Variants in PBX2 observed in about 807,000 individuals in gnomAD.
PBX2 encodes the protein pre-B-cell leukemia transcription factor 2.
In PBX2, 10 loss-of-function variants were observed where a neutral mutation model predicts 46.5. The observed-to-expected ratio is 0.21, with a 90% CI of 0.13 to 0.36. The LOEUF (loss-of-function observed/expected upper bound fraction) is 0.36. PBX2 is among the 10% of genes least tolerant of loss of function. PBX2 has a pLI of 1.00. For synonymous variants in PBX2, 160 were observed against 222.5 expected, an observed-to-expected ratio of 0.72 and a Z score of 2.50; for missense variants, 392 against 580.5, an observed-to-expected ratio of 0.68 and a Z score of 3.34.
Position 32,188,450 on chromosome 6 carries a change from C to A in PBX2, c.350G>T (p.Arg117Leu). 6.2e-7 allele frequency: 1 copy of A among 1,614,092 alleles called. No homozygotes were observed. Among genetic ancestry groups the A allele is most frequent in the Non-Finnish European group, 8.5e-7 (1 of 1,180,028 alleles). ...EEEPVDPQLM[R>L]LDNMLLAEGV... is the part of the protein sequence containing the mutation. ...CTCTGCCAGAAGCATGTTGTCCAAGCGCATCAGCTGTGGGTCCACCGGCTC... is the reference window on the plus strand; with the variant it reads ...CTCTGCCAGAAGCATGTTGTCCAAGAGCATCAGCTGTGGGTCCACCGGCTC... Residue 117 changes from arginine to leucine, a missense_variant, in exon 3 of 9, where the codon CGC (arginine) becomes CTC (leucine). Physicochemically the swap from Arg to Leu is moderately radical, Grantham distance 102. Transcript: ENST00000375050. This position sits in a 1 kb window ranked among gnomAD's most constrained non-coding sequence, Gnocchi z 6.5.
chr6:32,186,653 T>A lies in PBX2; in HGVS notation c.1151A>T (p.Tyr384Phe). ...SLRHSMGPGG[Y>F]GDNLGGGQMY... ...CTGGCCTCCCCCGAGGTTATCCCCA[T>A]AGCCCCCTGGCCCCATCGAGTGTCG... Residue 384 changes from tyrosine to phenylalanine, a missense_variant, in exon 8 of 9, where the codon TAT becomes TTT. Tyr to Phe is a conservative substitution (Grantham distance 22). This residue lies in a region of PBX2 where 116 missense variants were observed against 157.9 expected (regional missense o/e 0.73). Transcript: ENST00000375050. This position sits in a 1 kb window ranked among gnomAD's most constrained non-coding sequence, Gnocchi z 4.2. The A allele has an allele frequency of 1.2e-6, 2 of 1,613,210 alleles. No individual in the cohort carries two copies. The highest frequency in any genetic ancestry group is 1.7e-6 in the Non-Finnish European group (2 of 1,179,266).
Position 32,188,042 on chromosome 6 carries a change from T to A in PBX2, c.658A>T (p.Ser220Cys). Residue 220 changes from serine to cysteine, a missense_variant, in exon 4 of 9, where the codon AGC becomes TGC. Ser to Cys is a moderately radical substitution (Grantham distance 112). Coordinates refer to ENST00000375050, the MANE Select transcript of PBX2 (RefSeq NM_002586.5). This position sits in a 1 kb window ranked among gnomAD's most constrained non-coding sequence, Gnocchi z 6.5. ...TGCTTCAGCTGCATCTGGATGGCGC[T>A]GAACTTTCGATGGATGATGCTCACC... ...RMVSIIHRKF[S>C]AIQMQLKQST... 6.3e-7 allele frequency: 1 copy of A among 1,593,770 alleles called. No individual in the cohort carries two copies. Among genetic ancestry groups the A allele is most frequent in the Non-Finnish European group, 8.6e-7 (1 of 1,168,742 alleles).
At position 32,188,810 on chromosome 6, in the gene PBX2, G is replaced by A. The variant is rs752487676; in HGVS notation, c.222-14C>T. On this transcript the variant is annotated splice_polypyrimidine_tract_variant and intron_variant, in intron 1 of 8. Transcript: ENST00000375050. This position sits in a 1 kb window ranked among gnomAD's most constrained non-coding sequence, Gnocchi z 6.5. The stretch of plus-strand genomic sequence containing the variant: ...AGGGCGTGTTTCCTTGGGAGGAGTG[G>A]GAGTGGGGAAAGAGAAAAGTTGAGG... 1.2e-6 allele frequency: 2 copies of A among 1,612,128 alleles called. No homozygotes were observed. The highest frequency in any genetic ancestry group is 1.1e-5 in the South Asian group (1 of 91,062).
Position 32,188,533 on chromosome 6 carries a change from C to A in PBX2, c.296-29G>T. On this transcript the variant is annotated intron_variant, in intron 2 of 8. Transcript: ENST00000375050. The surrounding 1 kb of genome is among the most constrained non-coding windows in gnomAD (Gnocchi z 6.5). Reference sequence around the variant, plus strand: ...GCATGCAGGCGAGTGGACTTAGGGACCCAGAGACCCCAATACCCAGTGCTC... The same window carrying A: ...GCATGCAGGCGAGTGGACTTAGGGAACCAGAGACCCCAATACCCAGTGCTC... 1 of 1,608,672 alleles carries A rather than the reference C, an allele frequency of 6.2e-7. No homozygotes were observed. Among genetic ancestry groups the A allele is most frequent in the Non-Finnish European group, 8.5e-7 (1 of 1,176,906 alleles).
chr6:32,187,457 G>C lies in PBX2; in HGVS notation c.871-62C>G. ...GCCTCTGAAGTCCTTCACTGAATAA[G>C]ATGTGAGTGACAGCATTTTTTTTTT... On this transcript the variant is annotated intron_variant, in intron 5 of 8. Transcript: ENST00000375050. This position sits in a 1 kb window ranked among gnomAD's most constrained non-coding sequence, Gnocchi z 7.7. 6.4e-7 allele frequency: 1 copy of C among 1,553,502 alleles called. No homozygotes were observed. Among genetic ancestry groups the C allele is most frequent in the African/African-American group, 1.4e-5 (1 of 72,834 alleles).
In PBX2 at chr6:32,186,752, T is replaced by C. The variant is rs989532278; in HGVS notation, c.1113+61A>G. The C allele has an allele frequency of 1.3e-6, 2 of 1,597,382 alleles. No homozygotes were observed. Among genetic ancestry groups the C allele is most frequent in the South Asian group, 1.1e-5 (1 of 90,776 alleles). Reference sequence around the variant, plus strand: ...AGCCTCAGAGGAAAGAGGTCTTGTATCCTAAAGTAGAGGAAATGGAGTTGG... The same window carrying C: ...AGCCTCAGAGGAAAGAGGTCTTGTACCCTAAAGTAGAGGAAATGGAGTTGG... On this transcript the variant is annotated intron_variant, in intron 7 of 8. Transcript: ENST00000375050. This position sits in a 1 kb window ranked among gnomAD's most constrained non-coding sequence, Gnocchi z 4.2.
rs1169576030 is a variant in PBX2 at position 32,187,393 on chromosome 6, G to A, written c.873C>T (p.Val291=). The A allele has an allele frequency of 6.2e-7, 1 of 1,612,868 alleles. No individual in the cohort carries two copies. The highest frequency in any genetic ancestry group is 1.1e-5 in the South Asian group (1 of 91,080). Residue 291 remains valine, a splice_region_variant and synonymous_variant, in exon 6 of 9, where the codon GTC becomes GTT. Coordinates refer to ENST00000375050, the MANE Select transcript of PBX2 (RefSeq NM_002586.5). The surrounding 1 kb of genome is among the most constrained non-coding windows in gnomAD (Gnocchi z 7.7). The part of the protein sequence containing the change: ...AKKCGITVSQ[V]SNWFGNKRIR... ...TCCTCTTGTTGCCAAACCAGTTGGA[G>A]ACCTGTGGGGCAGAAAGGAGGGTCA...
rs1787214492 is a variant in PBX2 at position 32,187,903 on chromosome 6, G to C, written c.734+63C>G. On this transcript the variant is annotated intron_variant, in intron 4 of 8. Coordinates refer to ENST00000375050, the MANE Select transcript of PBX2 (RefSeq NM_002586.5). The surrounding 1 kb of genome is among the most constrained non-coding windows in gnomAD (Gnocchi z 7.7). The stretch of plus-strand genomic sequence containing the variant: ...CATGTTGTGCAGCATGGCAGCTCAG[G>C]GTCTTGGAGAGGAATGGGAAGGAGC... The C allele has an allele frequency of 2.0e-6, 3 of 1,524,402 alleles. No individual in the cohort carries two copies. The highest frequency in any genetic ancestry group is 2.7e-6 in the Non-Finnish European group (3 of 1,130,584). The allele number at this position is 1,524,402 out of a possible 1,614,324, so 94.4% of individuals were successfully genotyped here. A position where few individuals can be genotyped will look rare whatever the true frequency, so the allele number is the denominator to read the frequency against.
chr6:32,187,143 C>A lies in PBX2; in HGVS notation c.1024+99G>T. ...TATCTCAGCTCGGTCCCTCTCACCC[C>A]AAAAGGCCCCCTCTCTGCTATGATC... On this transcript the variant is annotated intron_variant, in intron 6 of 8. Coordinates refer to ENST00000375050, the MANE Select transcript of PBX2 (RefSeq NM_002586.5). This position sits in a 1 kb window ranked among gnomAD's most constrained non-coding sequence, Gnocchi z 7.7. 1 of 1,476,384 alleles carries A rather than the reference C, an allele frequency of 6.8e-7. No individual in the cohort carries two copies. The highest frequency in any genetic ancestry group is 9.3e-7 in the Non-Finnish European group (1 of 1,075,994). 91.5% of individuals were successfully genotyped at this position (1,476,384 alleles called of 1,614,324 possible). A position where few individuals can be genotyped will look rare whatever the true frequency, so the allele number is the denominator to read the frequency against.
Position 32,187,276 on chromosome 6 carries a change from G to A in PBX2, c.990C>T (p.Ser330=). 1 of 1,613,064 alleles carries A rather than the reference G, an allele frequency of 6.2e-7. No homozygotes were observed. ...TAVSVTQGGH[S]RTSSPTPPSS... ...AAGGGGGTGTCGGGGAGCTGGTGCG[G>A]CTGTGGCCCCCCTGGGTGACTGACA... The change falls in exon 6 of 9, where the codon AGC becomes AGT. Residue 330 remains serine, a synonymous_variant. Transcript: ENST00000375050. The surrounding 1 kb of genome is among the most constrained non-coding windows in gnomAD (Gnocchi z 7.7).
rs1338739076 is a variant in PBX2 at position 32,184,746 on chromosome 6, G to A, written c.*1636C>T. On this transcript the variant is annotated 3_prime_UTR_variant, in exon 9 of 9. Coordinates refer to ENST00000375050, the MANE Select transcript of PBX2 (RefSeq NM_002586.5). ...TTCTCAACTAAACCCAGGGAAAAAA[G>A]AAATTTCTTTATTTAAAACTGCATT... 1.3e-5 allele frequency: 2 copies of A among 155,486 alleles called. No individual in the cohort carries two copies. The highest frequency in any genetic ancestry group is 2.8e-5 in the Non-Finnish European group (2 of 70,640). 9.6% of individuals were successfully genotyped at this position (155,486 alleles called of 1,614,324 possible).
chr6:32,185,528 TAAAAAAAA>T lies in PBX2; in HGVS notation c.*846_*853del. The T allele has an allele frequency of 7.2e-6, 1 of 139,108 alleles. No homozygotes were observed. Among genetic ancestry groups the T allele is most frequent in the East Asian group, 2.0e-4 (1 of 4,888 alleles). The allele number at this position is 139,108 out of a possible 1,614,324, so 8.6% of individuals were successfully genotyped here. ...ACCCCTAATATGGGAAAGTAAGAAA[TAAAAAAAA>T]AAAAAGACAAGAAATCAACATATTT... On this transcript the variant is annotated 3_prime_UTR_variant, in exon 9 of 9. Coordinates refer to ENST00000375050, the MANE Select transcript of PBX2 (RefSeq NM_002586.5).
chr6:32,188,546 A>G lies in PBX2; in HGVS notation c.296-42T>C, dbSNP rs1189264650. Reference sequence around the variant, plus strand: ...TGGACTTAGGGACCCAGAGACCCCAATACCCAGTGCTCAGTCCTCCTGGTG... The same window carrying G: ...TGGACTTAGGGACCCAGAGACCCCAGTACCCAGTGCTCAGTCCTCCTGGTG... On this transcript the variant is annotated intron_variant, in intron 2 of 8. Transcript: ENST00000375050. This position sits in a 1 kb window ranked among gnomAD's most constrained non-coding sequence, Gnocchi z 6.5. 3.1e-6 allele frequency: 5 copies of G among 1,604,184 alleles called. No homozygotes were observed. In the South Asian group the frequency reaches 3.3e-5, roughly 11 times the overall value.
rs1182095123 is a variant in PBX2, at chr6:32,187,097, T to C, written c.1024+145A>G. The C allele has an allele frequency of 7.9e-6, 9 of 1,135,516 alleles. No individual in the cohort carries two copies. The Middle Eastern group carries it at 1.5e-3, about 187-fold the overall frequency. The allele number at this position is 1,135,516 out of a possible 1,614,324, so 70.3% of individuals were successfully genotyped here. A position where few individuals can be genotyped will look rare whatever the true frequency, so the allele number is the denominator to read the frequency against. ...GAACTAAGATCACTGGAATGGCCTC[T>C]GTCCCCTGACATCTCCAGCCTATCT... On this transcript the variant is annotated intron_variant, in intron 6 of 8. Coordinates refer to ENST00000375050, the MANE Select transcript of PBX2 (RefSeq NM_002586.5). The surrounding 1 kb of genome is among the most constrained non-coding windows in gnomAD (Gnocchi z 7.7).
Position 32,186,997 on chromosome 6 carries a change from C to T in PBX2, c.1025-96G>A. ...CTTGTGGGGACATGCTACTATACTCCAATTATCCACAAAATAACATTCCAA... is the reference window on the plus strand; with the variant it reads ...CTTGTGGGGACATGCTACTATACTCTAATTATCCACAAAATAACATTCCAA... On this transcript the variant is annotated intron_variant, in intron 6 of 8. Coordinates refer to ENST00000375050, the MANE Select transcript of PBX2 (RefSeq NM_002586.5). This position sits in a 1 kb window ranked among gnomAD's most constrained non-coding sequence, Gnocchi z 4.2. The T allele has an allele frequency of 8.7e-7, 1 of 1,155,410 alleles. No homozygotes were observed. Among genetic ancestry groups the T allele is most frequent in the African/African-American group, 1.5e-5 (1 of 64,956 alleles). 71.6% of individuals were successfully genotyped at this position (1,155,410 alleles called of 1,614,324 possible).
At position 32,187,725 on chromosome 6, in the gene PBX2, G is replaced by A. The variant is rs746193167; in HGVS notation, c.792C>T (p.Tyr264=). 2 of 1,611,602 alleles carry A rather than the reference G, an allele frequency of 1.2e-6. No homozygotes were observed. ...TAGGATATGGGTTACTCAGGTGGGA[G>A]TAGAAATACTCATTTAGGACCTCAG... ...QATEVLNEYF[Y]SHLSNPYPSE... is the part of the protein sequence containing the mutation. Residue 264 remains tyrosine, a synonymous_variant, in exon 5 of 9, where the codon TAC becomes TAT. Coordinates refer to ENST00000375050, the MANE Select transcript of PBX2 (RefSeq NM_002586.5). The surrounding 1 kb of genome is among the most constrained non-coding windows in gnomAD (Gnocchi z 7.7).
At position 32,187,623 on chromosome 6, in the gene PBX2, C is replaced by G; in HGVS notation, c.870+24G>C. ...GAGATGCGTGCACTTTGCCTGACAA[C>G]TCCTCCCGCAACCTCCATAATACCT... On this transcript the variant is annotated intron_variant, in intron 5 of 8. Coordinates refer to ENST00000375050, the MANE Select transcript of PBX2 (RefSeq NM_002586.5). This position sits in a 1 kb window ranked among gnomAD's most constrained non-coding sequence, Gnocchi z 7.7. 1 of 1,577,284 alleles carries G rather than the reference C, an allele frequency of 6.3e-7. No individual in the cohort carries two copies. The highest frequency in any genetic ancestry group is 8.6e-7 in the Non-Finnish European group (1 of 1,161,094).
Position 32,190,143 on chromosome 6 carries a change from C to T in PBX2, c.-228G>A, listed in dbSNP as rs1787378910. The T allele has an allele frequency of 5.0e-6, 2 of 400,350 alleles. No homozygotes were observed. The highest frequency in any genetic ancestry group is 8.9e-6 in the Non-Finnish European group (2 of 225,526). The allele number at this position is 400,350 out of a possible 1,614,324, so 24.8% of individuals were successfully genotyped here. Reference sequence around the variant, plus strand: ...GCCCCCGGCGGCGGAGAAAATGGAGCCGGAGAGAGAGAGGAGGCCCAAGCG... The same window carrying T: ...GCCCCCGGCGGCGGAGAAAATGGAGTCGGAGAGAGAGAGGAGGCCCAAGCG... On this transcript the variant is annotated 5_prime_UTR_variant, in exon 1 of 9. Transcript: ENST00000375050.
rs1255978579 is a variant in PBX2, at chr6:32,190,144, C to G, written c.-229G>C. The G allele has an allele frequency of 2.6e-5, 10 of 383,460 alleles. No homozygotes were observed. The Admixed American group carries it at 3.2e-4, about 12-fold the overall frequency. 23.8% of individuals were successfully genotyped at this position (383,460 alleles called of 1,614,324 possible). A position where few individuals can be genotyped will look rare whatever the true frequency, so the allele number is the denominator to read the frequency against. On this transcript the variant is annotated 5_prime_UTR_variant, in exon 1 of 9. Transcript: ENST00000375050. ...CCCCCGGCGGCGGAGAAAATGGAGC[C>G]GGAGAGAGAGAGGAGGCCCAAGCGG...
Sources: gnomAD v4.1 joint callset for allele counts on GRCh38, gnomAD v4.1.1 for gene constraint, gnomAD v4.1.1 regional missense constraint, Gnocchi (gnomAD v3.1) non-coding constraint, MANE v1.5 for transcripts, NCBI Gene and HGNC (gene_info 2026-07-23, HGNC 2026-07-21) for gene names.